Variants in NELL1 observed in about 807,000 individuals in gnomAD.
NELL1 encodes protein kinase C-binding protein NELL1.
NELL1 carries 76 observed loss-of-function variants against 107.4 expected under a neutral mutation model. That is an observed-to-expected ratio of 0.71 (90% CI 0.59 to 0.86). The LOEUF (loss-of-function observed/expected upper bound fraction) is 0.86, where lower values mean the gene tolerates loss of function less well. Ranked by LOEUF, NELL1 falls within the 40% of genes least tolerant of loss-of-function variation. The probability of loss-of-function intolerance (pLI) is 0.00; values close to 1 mark genes in which losing one functional copy is unlikely to be tolerated. For synonymous variants in NELL1, 353 were observed against 341.2 expected (o/e 1.03, Z -0.38); for missense variants, 1,024 against 1,005.5 (o/e 1.02, Z -0.25).
Position 21,105,909 on chromosome 11 carries a change from TTCCTTCCCTCCCTCATTCCC to T in NELL1, c.1301-7676_1301-7657del, listed in dbSNP as rs1468372066. Among the ~76,000 whole-genome samples, 66 of 73,502 alleles carry T rather than the reference TTCCTTCCCTCCCTCATTCCC, an allele frequency of 9.0e-4. 2 individuals are homozygous for T. The Admixed American group carries it at 9.2e-3, about 10-fold the overall frequency. The allele number at this position is 73,502 out of a possible 152,430, so 48.2% of individuals were successfully genotyped here. On this transcript the variant is annotated intron_variant, in intron 12 of 19. Coordinates refer to ENST00000357134, the MANE Select transcript of NELL1 (RefSeq NM_006157.5). ...CTCCTCTCCTCTTTATTCTTCCCCCTTCCTTCCCTCCCTCATTCCCTCCCTCCCTCCCTTCTTTCCTCCCT... is the reference window on the plus strand; with the variant it reads ...CTCCTCTCCTCTTTATTCTTCCCCCTTCCCTCCCTCCCTTCTTTCCTCCCT...
rs118151896 is a variant in NELL1 at position 21,149,291 on chromosome 11, T to C, written c.1426+35577T>C. The stretch of plus-strand genomic sequence containing the variant: ...CCTAAAATCTGAAGGAATGGTGTAT[T>C]AGTCTGGGCTCATGCTGCTAATAAA... On this transcript the variant is annotated intron_variant, in intron 13 of 19. Coordinates refer to ENST00000357134, the MANE Select transcript of NELL1 (RefSeq NM_006157.5). 5.3e-3 allele frequency among the ~76,000 whole-genome samples: 803 copies of C among 152,332 alleles called. 4 individuals carry two copies. The highest frequency in any genetic ancestry group is 0.017 in the Middle Eastern group (5 of 294).
At chr11:21,064,544 T>C (rs9633845) in intron 12 of NELL1, among the ~76,000 whole-genome samples, 120,858 of 152,014 alleles carry the variant, frequency 0.8, 48,475 homozygotes, top group East Asian at 1. Flanking sequence ...TTCTAGGCTA[T>C]GGTAAAAAGT....
chr11:21,274,782 C>A (rs926414754), intron 14 of NELL1, among the ~76,000 whole-genome samples: 4 of 152,182 alleles, frequency 2.6e-5, no homozygotes, highest in Non-Finnish European at 5.9e-5. Flanking sequence ...AACTGAACAA[C>A]CTGTTCCTGA....
intron 14 of NELL1, among the ~76,000 whole-genome samples, chr11:21,324,937 C>T (rs1054350950): frequency 6.6e-6 from 1 of 151,912 alleles, no homozygotes; most frequent in Non-Finnish European, 1.5e-5. Context: ...TTCTCTGTCT[C>T]CTGAGTGTTT....
chr11:21,126,099 A>G (rs1300587864), intron 13 of NELL1, among the ~76,000 whole-genome samples: 1 of 152,206 alleles, frequency 6.6e-6, no homozygotes, highest in East Asian at 1.9e-4. Flanking sequence ...GAACTTGTCT[A>G]CAGCTGTAGG....
intron 14 of NELL1, among the ~76,000 whole-genome samples, chr11:21,355,895 C>G (rs78680160): frequency 2.0e-5 from 3 of 152,130 alleles, no homozygotes; most frequent in Non-Finnish European, 4.4e-5. Context: ...TAAGTCACTA[C>G]GTGATCTGCA....
At chr11:20,908,175 C>T (rs1476771288) in intron 5 of NELL1, among the ~76,000 whole-genome samples, 4 of 152,086 alleles carry the variant, frequency 2.6e-5, no homozygotes, top group Non-Finnish European at 4.4e-5. Context: ...CCAGAAATAC[C>T]ATTTGACCCA....
chr11:20,830,261 A>T (rs1039613432), intron 3 of NELL1, among the ~76,000 whole-genome samples: 1 of 152,090 alleles, frequency 6.6e-6, no homozygotes, highest in Non-Finnish European at 1.5e-5. Flanking sequence ...CATCTCAAAA[A>T]AAAAAAAAAG....
At chr11:20,760,706 A>G (rs886690314) in intron 2 of NELL1, among the ~76,000 whole-genome samples, 1 of 152,220 alleles carries the variant, frequency 6.6e-6, no homozygotes, top group African/African-American at 2.4e-5. Context: ...TGAAATAAAA[A>G]TAAGATTTCT....
At position 21,574,981 on chromosome 11, in the gene NELL1, G is replaced by A. The variant is rs1857187742; in HGVS notation, c.2392G>A (p.Val798Ile). 1 of 1,610,770 alleles carries A rather than the reference G, an allele frequency of 6.2e-7. No individual in the cohort carries two copies. Among genetic ancestry groups the A allele is most frequent in the South Asian group, 1.1e-5 (1 of 90,978 alleles). ...CTTCKCKNGR[V>I]CCSVDFECLQ... ...TTTCTTTGATGTACAGAATGGAAGAGTCTGTTGTTCTGTGGATTTTGAGTG... is the reference window on the plus strand; with the variant it reads ...TTTCTTTGATGTACAGAATGGAAGAATCTGTTGTTCTGTGGATTTTGAGTG... The change falls in exon 20 of 20, where the codon GTC becomes ATC. Residue 798 changes from valine to isoleucine, a missense_variant. By Grantham distance (29) the Val-to-Ile change is conservative. Transcript: ENST00000357134.
At chr11:21,282,505 T>C (rs1051808001) in intron 14 of NELL1, among the ~76,000 whole-genome samples, 2 of 146,300 alleles carry the variant, frequency 1.4e-5, no homozygotes, top group African/African-American at 5.0e-5. Flanking sequence ...AAAAGGCTTA[T>C]ATGCAAAAGA....
intron 13 of NELL1, among the ~76,000 whole-genome samples, chr11:21,179,839 G>A (rs1856790463): frequency 7.4e-6 from 1 of 135,322 alleles, no homozygotes; most frequent in Admixed American, 7.7e-5. Context: ...TTTGTGCAAA[G>A]GTTTAGGACA....
chr11:21,237,332 G>A (rs1454013), intron 14 of NELL1, among the ~76,000 whole-genome samples: 64,594 of 151,898 alleles, frequency 0.43, 14,238 homozygotes, highest in East Asian at 0.57. Flanking sequence ...TTCTGATTAA[G>A]TCTCTTTGGG....
intron 13 of NELL1, among the ~76,000 whole-genome samples, chr11:21,196,422 C>T (rs189385047): frequency 6.6e-6 from 1 of 152,270 alleles, no homozygotes; most frequent in East Asian, 1.9e-4. Context: ...CCCAGGCCTT[C>T]TTGCTCTTCT....
At chr11:21,082,287 C>T (rs1252762323) in intron 12 of NELL1, among the ~76,000 whole-genome samples, 1 of 152,052 alleles carries the variant, frequency 6.6e-6, no homozygotes, top group Non-Finnish European at 1.5e-5. Context: ...GGATGCACTA[C>T]AGGAAAAAAT....
chr11:20,763,628 G>A (rs1322810526), intron 2 of NELL1, among the ~76,000 whole-genome samples: 2 of 152,192 alleles, frequency 1.3e-5, no homozygotes, highest in African/African-American at 4.8e-5. Context: ...TAAGGAAAAT[G>A]GCTGTATTTG....
At chr11:21,484,408 G>A (rs1027229228) in intron 15 of NELL1, among the ~76,000 whole-genome samples, 5 of 151,396 alleles carry the variant, frequency 3.3e-5, no homozygotes, top group Admixed American at 2.6e-4. Flanking sequence ...GCTTTATGGT[G>A]CTCAACTTTA....
chr11:20,975,185 A>AT (rs5790152), intron 12 of NELL1, among the ~76,000 whole-genome samples: 5,693 of 148,508 alleles, frequency 0.038, 123 homozygotes, highest in East Asian at 0.083. Context: ...ATTTTTGTTT[A>AT]TTTTTTTTTT....
At chr11:21,168,531 C>T (rs1424192245) in intron 13 of NELL1, among the ~76,000 whole-genome samples, 4 of 151,804 alleles carry the variant, frequency 2.6e-5, no homozygotes, top group South Asian at 2.1e-4. Context: ...TTATCTAATA[C>T]TTCCTCACCA....
Sources: gnomAD v4.1 joint callset for allele counts (sites outside exome capture counted in the v4.1 genomes callset) on GRCh38, gnomAD v4.1.1 for gene constraint, MANE v1.5 for transcripts, NCBI Gene and HGNC (gene_info 2026-07-23, HGNC 2026-07-21) for gene names.